OPCML: variants seen among roughly 807,000 people sequenced by gnomAD.
OPCML encodes the protein opioid binding protein/cell adhesion molecule like.
OPCML carries 13 observed loss-of-function variants against 37.8 expected under a neutral mutation model. The ratio of observed to expected loss-of-function variants is 0.34; its 90% CI spans 0.22 to 0.55. The LOEUF (loss-of-function observed/expected upper bound fraction) is 0.55. Ranked by LOEUF, OPCML falls within the 20% of genes least tolerant of loss-of-function variation. OPCML has a pLI of 0.91. For synonymous variants in OPCML, 176 were observed against 168.8 expected (o/e 1.04, Z -0.33); for missense variants, 341 against 435.6 (o/e 0.78, Z 1.93).
chr11:132,968,093 C>A (rs2136745702), intron 1 of OPCML, among the ~76,000 whole-genome samples: 1 of 152,206 alleles, frequency 6.6e-6, no homozygotes, highest in East Asian at 1.9e-4. Flanking sequence ...ACACATTTAT[C>A]TTGTACATAT....
At chr11:133,051,023 C>T (rs985164078) in intron 1 of OPCML, among the ~76,000 whole-genome samples, 1 of 151,050 alleles carries the variant, frequency 6.6e-6, no homozygotes, top group Non-Finnish European at 1.5e-5. Flanking sequence ...TCAGACCAGC[C>T]TTGCCTCCTC....
In OPCML at chr11:133,287,375, G is replaced by A. The variant is rs191836829; in HGVS notation, c.61+244889C>T. 2.1e-3 allele frequency among the ~76,000 whole-genome samples: 302 copies of A among 146,130 alleles called. 1 individual carries two copies. Among genetic ancestry groups the A allele is most frequent in the Non-Finnish European group, 3.6e-3 (242 of 67,160 alleles). On this transcript the variant is annotated intron_variant, in intron 1 of 7. Coordinates refer to ENST00000524381, the MANE Select transcript of OPCML (RefSeq NM_001012393.5). ...GCTCCTCTCACCTTGGCCTCCCGAC[G>A]TGCTGGGATTATAGCCATGAGCCGA...
chr11:132,935,269 T>G (rs1040996416), intron 2 of OPCML, among the ~76,000 whole-genome samples: 2 of 152,244 alleles, frequency 1.3e-5, no homozygotes, highest in African/African-American at 4.8e-5. Context: ...TATCTTCTTC[T>G]AATTACGCCT....
chr11:133,309,965 A>G (rs1229320563), intron 1 of OPCML, among the ~76,000 whole-genome samples: 2 of 152,246 alleles, frequency 1.3e-5, no homozygotes, highest in African/African-American at 4.8e-5. Context: ...CCAGATGGAC[A>G]TGCAAATGAG....
chr11:132,540,423 C>A (rs1419671747), intron 3 of OPCML, among the ~76,000 whole-genome samples: 1 of 152,184 alleles, frequency 6.6e-6, no homozygotes, highest in Non-Finnish European at 1.5e-5. Flanking sequence ...CAGAAAAATA[C>A]AACCTCTCAG....
rs369570302 is a variant in OPCML at position 132,797,138 on chromosome 11, T to G, written c.147-139819A>C. On this transcript the variant is annotated intron_variant, in intron 2 of 7. Coordinates refer to ENST00000524381, the MANE Select transcript of OPCML (RefSeq NM_001012393.5). ...TTAAATCCAACTTACCTTTTTCTTTTGTCACTTGTGTTTTCAATGTCATAT... is the reference window on the plus strand; with the variant it reads ...TTAAATCCAACTTACCTTTTTCTTTGGTCACTTGTGTTTTCAATGTCATAT... 5.3e-5 allele frequency among the ~76,000 whole-genome samples: 8 copies of G among 152,334 alleles called. No individual in the cohort carries two copies. In the East Asian group the frequency reaches 1.3e-3, roughly 26 times the overall value.
At chr11:133,497,381 G>C (rs1465932263) in intron 1 of OPCML, among the ~76,000 whole-genome samples, 1 of 152,022 alleles carries the variant, frequency 6.6e-6, no homozygotes, top group Non-Finnish European at 1.5e-5. Context: ...TTTTCTTTAA[G>C]CTATCTATTT....
intron 7 of OPCML, among the ~76,000 whole-genome samples, chr11:132,434,539 A>T (rs568422636): frequency 2.0e-4 from 30 of 152,290 alleles, no homozygotes; most frequent in African/African-American, 7.2e-4. Flanking sequence ...GTATCTATTC[A>T]TTAGCTAAGT....
chr11:132,827,279 A>G (rs1204196466), intron 2 of OPCML, among the ~76,000 whole-genome samples: 1 of 152,224 alleles, frequency 6.6e-6, no homozygotes, highest in Non-Finnish European at 1.5e-5. Context: ...CCCACCAAAT[A>G]TGATCTACAG....
At chr11:132,837,847 C>G (rs1052824642) in intron 2 of OPCML, among the ~76,000 whole-genome samples, 4 of 152,192 alleles carry the variant, frequency 2.6e-5, no homozygotes, top group African/African-American at 4.8e-5. Context: ...GGGTCAGTAC[C>G]AAGACAGGCC....
intron 1 of OPCML, among the ~76,000 whole-genome samples, chr11:133,052,113 T>C (rs978268600): frequency 6.6e-6 from 1 of 152,168 alleles, no homozygotes; most frequent in African/African-American, 2.4e-5. Flanking sequence ...CCCCCTTTGA[T>C]TAAAATACAC....
At chr11:132,696,445 G>A (rs543525654) in intron 2 of OPCML, among the ~76,000 whole-genome samples, 8 of 152,224 alleles carry the variant, frequency 5.3e-5, no homozygotes, top group South Asian at 4.1e-4. Context: ...GGGAACAGGA[G>A]AAAGTATTTT....
At chr11:132,969,015 C>T (rs753122707) in intron 1 of OPCML, among the ~76,000 whole-genome samples, 2 of 151,866 alleles carry the variant, frequency 1.3e-5, no homozygotes, top group South Asian at 4.2e-4. Flanking sequence ...TCTTTATTTC[C>T]ATAGGTTTTT....
chr11:132,738,776 A>G (rs749244465), intron 2 of OPCML, among the ~76,000 whole-genome samples: 1 of 152,222 alleles, frequency 6.6e-6, no homozygotes, highest in Non-Finnish European at 1.5e-5. Flanking sequence ...TTGCAGTTAA[A>G]TCAGCTATTT....
chr11:133,098,872 A>G (rs947785239), intron 1 of OPCML, among the ~76,000 whole-genome samples: 4 of 152,156 alleles, frequency 2.6e-5, no homozygotes, highest in African/African-American at 9.7e-5. Context: ...GGAAGGAAGA[A>G]ATAAGACTGT....
chr11:133,386,580 T>C (rs1945059576), intron 1 of OPCML, among the ~76,000 whole-genome samples: 1 of 152,146 alleles, frequency 6.6e-6, no homozygotes, highest in Admixed American at 6.5e-5. Context: ...ACCTCTTGGG[T>C]GTTTCCCATA....
At chr11:133,474,252 CA>C (rs1947184230) in intron 1 of OPCML, among the ~76,000 whole-genome samples, 1 of 152,178 alleles carries the variant, frequency 6.6e-6, no homozygotes, top group Non-Finnish European at 1.5e-5. Context: ...CCAAGGATAT[CA>C]CAGTCTGCTA....
intron 1 of OPCML, among the ~76,000 whole-genome samples, chr11:133,288,966 A>G (rs1942381639): frequency 6.6e-6 from 1 of 152,108 alleles, no homozygotes; most frequent in African/African-American, 2.4e-5. Context: ...GCTGGGCCCA[A>G]CCCATCAGGG....
chr11:132,744,632 A>G (rs1175183827), intron 2 of OPCML, among the ~76,000 whole-genome samples: 1 of 152,234 alleles, frequency 6.6e-6, no homozygotes, highest in Non-Finnish European at 1.5e-5. Context: ...TGTGTTATGC[A>G]TTGACTAAAA....
Sources: gnomAD v4.1 joint callset for allele counts (sites outside exome capture counted in the v4.1 genomes callset) on GRCh38, gnomAD v4.1.1 for gene constraint, MANE v1.5 for transcripts, NCBI Gene and HGNC (gene_info 2026-07-23, HGNC 2026-07-21) for gene names.